The following ETNPPL variants were observed in gnomAD, a reference collection of about 807,000 sequenced individuals.
The protein encoded by ETNPPL is alanine--glyoxylate aminotransferase 2-like 1.
Under a neutral mutation model 55.5 loss-of-function variants are expected in ETNPPL, and 30 were observed. The observed-to-expected ratio is 0.54, with a 90% confidence interval of 0.40 to 0.73. ETNPPL has a LOEUF of 0.73. Among genes scored for constraint, ETNPPL ranks in the 30% least tolerant of loss-of-function variants. The pLI is 0.00. For synonymous variants in ETNPPL, 202 were observed against 207.2 expected (o/e 0.98, Z 0.21); for missense variants, 528 against 607.9 (o/e 0.87, Z 1.38).
intron 9 of ETNPPL, 78 bp from the exon 10 acceptor site, chr4:108,746,929 A>G: frequency 1.2e-6 from 1 of 859,936 alleles, no homozygotes; most frequent in East Asian, 2.6e-5. Flanking sequence ...CTATCACCAA[A>G]CTTCCATTTA....
At position 108,754,676 on chromosome 4, in the gene ETNPPL, T is replaced by A; in HGVS notation, c.445A>T (p.Ile149Phe). The A allele has an allele frequency of 6.2e-7, 1 of 1,600,924 alleles. No homozygotes were observed. Among genetic ancestry groups the A allele is most frequent in the Non-Finnish European group, 8.6e-7 (1 of 1,169,372 alleles). ...CCTTTCTGAAACTTATATGGGCTAA[T>A]CTCAATTAAGGATGATAGGTGACCA... ...YHGHLSSLIE[I>F]SPYKFQKGKD... The change falls in exon 5 of 13, where the codon ATT becomes TTT. Residue 149 changes from isoleucine (I) to phenylalanine (F), a missense_variant. Transcript: ENST00000296486.
intron 5 of ETNPPL, among the ~76,000 whole-genome samples, chr4:108,754,266 C>A (rs1167128230): frequency 6.6e-6 from 1 of 152,154 alleles, no homozygotes; most frequent in South Asian, 2.1e-4. Flanking sequence ...GCACGAGCCA[C>A]TGTGCCCGGC....
chr4:108,754,244 C>A (rs1578389550), intron 5 of ETNPPL, among the ~76,000 whole-genome samples: 1 of 151,972 alleles, frequency 6.6e-6, no homozygotes, highest in East Asian at 1.9e-4. Context: ...TCCCAAAGCC[C>A]TAGAACTACA....
Position 108,753,092 on chromosome 4 carries a change from A to C in ETNPPL, c.502-81T>G, listed in dbSNP as rs990550629. 6 of 747,900 alleles carry C rather than the reference A, an allele frequency of 8.0e-6. No homozygotes were observed. The Admixed American group carries it at 1.3e-4, about 17-fold the overall frequency. 46.3% of individuals were successfully genotyped at this position (747,900 alleles called of 1,614,324 possible). The stretch of plus-strand genomic sequence containing the variant: ...AAAAAAGGCATTTCCCCACAAGAAC[A>C]TGTTAGAATGGTGATCATGTGAACT... On this transcript the variant is annotated intron_variant, in intron 5 of 12. Coordinates refer to ENST00000296486, the MANE Select transcript of ETNPPL (RefSeq NM_031279.4).
intron 12 of ETNPPL, among the ~76,000 whole-genome samples, chr4:108,743,582 G>A (rs1039179203): frequency 2.6e-5 from 4 of 152,154 alleles, no homozygotes; most frequent in African/African-American, 9.7e-5. Context: ...CTGTAAGAAT[G>A]GTTCTTTGGC....
chr4:108,749,302 C>G lies in ETNPPL; in HGVS notation c.863G>C (p.Cys288Ser), dbSNP rs773016534. 2 of 1,614,182 alleles carry G rather than the reference C, an allele frequency of 1.2e-6. No individual in the cohort carries two copies. Among genetic ancestry groups the G allele is most frequent in the Admixed American group, 3.3e-5 (2 of 60,010 alleles). The stretch of plus-strand genomic sequence containing the variant: ...TGCAATTTCTTTGGTTGTTACCACA[C>G]ATGCCACCGGGTGGCCGTTGCCCAT... Reference protein sequence around the residue: ...KPMGNGHPVACVVTTKEIAEA... With the variant: ...KPMGNGHPVASVVTTKEIAEA... Residue 288 changes from cysteine (C) to serine (S), a missense_variant, in exon 8 of 13, where the codon TGT becomes TCT. Transcript: ENST00000296486.
intron 7 of ETNPPL, among the ~76,000 whole-genome samples, chr4:108,750,274 T>A (rs898134665): frequency 6.6e-6 from 1 of 152,074 alleles, no homozygotes; most frequent in African/African-American, 2.4e-5. Flanking sequence ...CACAATCTAA[T>A]CAGCTGCCAG....
At chr4:108,758,322 T>C (rs1043913981) in intron 3 of ETNPPL, among the ~76,000 whole-genome samples, 7 of 152,278 alleles carry the variant, frequency 4.6e-5, no homozygotes, top group African/African-American at 1.7e-4. Context: ...GTTTCTACTA[T>C]ATATCTATAA....
Position 108,749,290 on chromosome 4 carries a change from G to A in ETNPPL, c.875C>T (p.Thr292Ile). The A allele has an allele frequency of 6.2e-7, 1 of 1,613,814 alleles. No homozygotes were observed. The highest frequency in any genetic ancestry group is 1.1e-5 in the South Asian group (1 of 91,064). Reference sequence around the variant, plus strand: ...GCTGAAGGCTTCTGCAATTTCTTTGGTTGTTACCACACATGCCACCGGGTG... The same window carrying A: ...GCTGAAGGCTTCTGCAATTTCTTTGATTGTTACCACACATGCCACCGGGTG... ...NGHPVACVVT[T>I]KEIAEAFSSS... Residue 292 changes from threonine (T) to isoleucine (I), a missense_variant, in exon 8 of 13, where the codon ACC (threonine) becomes ATC (isoleucine). Thr to Ile is a moderately conservative substitution (Grantham distance 89). Coordinates refer to ENST00000296486, the MANE Select transcript of ETNPPL (RefSeq NM_031279.4).
intron 4 of ETNPPL, 168 bp from the exon 5 acceptor site, chr4:108,754,878 G>A: frequency 1.8e-6 from 1 of 563,858 alleles, no homozygotes; most frequent in Admixed American, 3.7e-5. Context: ...TGGCAAGACT[G>A]GCCCTTAATG....
At chr4:108,756,540 A>T (rs1199976672) in intron 3 of ETNPPL, 48 bp from the exon 4 acceptor site, 4 of 1,448,316 alleles carry the variant, frequency 2.8e-6, no homozygotes, top group East Asian at 4.5e-5. Flanking sequence ...GTCTCTTTTT[A>T]AAACATTTAG....
chr4:108,743,915 AC>A (rs775848953), intron 11 of ETNPPL, 59 bp from the exon 12 acceptor site: 77 of 1,156,238 alleles, frequency 6.7e-5, no homozygotes, highest in Non-Finnish European at 8.7e-5. Flanking sequence ...TAAGAAAAAA[AC>A]TTTTTGGTAT....
At chr4:108,742,968 G>A (rs776206480) in intron 12 of ETNPPL, among the ~76,000 whole-genome samples, 1 of 152,152 alleles carries the variant, frequency 6.6e-6, no homozygotes, top group Non-Finnish European at 1.5e-5. Context: ...TTGATAAACT[G>A]TTCTTGACAT....
chr4:108,753,896 G>C (rs1483314994), intron 5 of ETNPPL, among the ~76,000 whole-genome samples: 1 of 150,572 alleles, frequency 6.6e-6, no homozygotes, highest in East Asian at 1.9e-4. Flanking sequence ...CAACAACTTG[G>C]TTGGTTTCTT....
intron 6 of ETNPPL, among the ~76,000 whole-genome samples, chr4:108,752,330 A>G (rs1430308994): frequency 6.6e-6 from 1 of 152,238 alleles, no homozygotes; most frequent in East Asian, 1.9e-4. Context: ...TGAGAATTGA[A>G]CATTAAGCTG....
chr4:108,747,119 T>G (rs1181794249), intron 9 of ETNPPL, among the ~76,000 whole-genome samples: 2 of 92,632 alleles, frequency 2.2e-5, no homozygotes, highest in African/African-American at 4.3e-5. Context: ...TGATAAATGT[T>G]AACATTATAT....
Position 108,750,683 on chromosome 4 carries a change from A to G in ETNPPL, c.701+253T>C, listed in dbSNP as rs183991352. Among the ~76,000 whole-genome samples, 4 of 145,186 alleles carry G rather than the reference A, an allele frequency of 2.8e-5. No homozygotes were observed. In the East Asian group the frequency reaches 8.7e-4, roughly 32 times the overall value. On this transcript the variant is annotated intron_variant, in intron 7 of 12. Coordinates refer to ENST00000296486, the MANE Select transcript of ETNPPL (RefSeq NM_031279.4). The stretch of plus-strand genomic sequence containing the variant: ...ACCAATACAGATTTGGTACTAGCCA[A>G]TCAGAGAGGATGCAGGCTGGAGGCT...
intron 11 of ETNPPL, 75 bp downstream of exon 11, chr4:108,746,321 CATT>C (rs1475000849): frequency 7.3e-7 from 1 of 1,369,646 alleles, no homozygotes; most frequent in African/African-American, 1.5e-5. Flanking sequence ...TGCATATGCT[CATT>C]ATGACTAGAC....
chr4:108,746,269 A>G (rs933385826), intron 11 of ETNPPL, 130 bp downstream of exon 11: 21 of 755,336 alleles, frequency 2.8e-5, no homozygotes, highest in Non-Finnish European at 3.7e-5. Context: ...AAAGTTACAC[A>G]TTTATTTCTG....
Sources: gnomAD v4.1 joint callset for allele counts (sites outside exome capture counted in the v4.1 genomes callset) on GRCh38, gnomAD v4.1.1 for gene constraint, MANE v1.5 for transcripts, NCBI Gene and HGNC (gene_info 2026-07-23, HGNC 2026-07-21) for gene names.